Variants in CHST11 observed in about 807,000 individuals in gnomAD.
CHST11 encodes the protein carbohydrate sulfotransferase 11.
Under a neutral mutation model 30.4 loss-of-function variants are expected in CHST11, and 9 were observed. The observed-to-expected ratio is 0.30, with a 90% CI of 0.18 to 0.52. The LOEUF (loss-of-function observed/expected upper bound fraction) is 0.52, where lower values mean the gene tolerates loss of function less well. Ranked by LOEUF, CHST11 falls within the 20% of genes least tolerant of loss-of-function variation. CHST11 has a pLI of 0.97. For synonymous variants in CHST11, 152 were observed against 187.8 expected, an observed-to-expected ratio of 0.81 and a Z score of 1.56; for missense variants, 348 against 460.6, an observed-to-expected ratio of 0.76 and a Z score of 2.24.
Position 104,596,459 on chromosome 12 carries a change from A to AG in CHST11, c.119-5446dup, listed in dbSNP as rs562803420. ...TGCTTCATTTCGAAATGTTGAGGGA[A>AG]GTGACAGTCCAAAAATGGTAGGAGT... On this transcript the variant is annotated intron_variant, in intron 1 of 2. Transcript: ENST00000303694. 1.2e-4 allele frequency among the ~76,000 whole-genome samples: 18 copies of AG among 152,272 alleles called. 1 individual carries two copies. In the South Asian group the frequency reaches 3.5e-3, roughly 30 times the overall value.
chr12:104,675,420 C>T (rs2039732042), intron 2 of CHST11, among the ~76,000 whole-genome samples: 1 of 152,198 alleles, frequency 6.6e-6, no homozygotes. Context: ...GATACAGACT[C>T]ATAACTTTCC....
At chr12:104,590,825 G>T (rs113957756) in intron 1 of CHST11, among the ~76,000 whole-genome samples, 3,057 of 152,180 alleles carry the variant, frequency 0.02, 96 homozygotes, top group East Asian at 0.088. Flanking sequence ...GGGAGGCTGA[G>T]GCACAAGAAT....
At chr12:104,656,674 T>C (rs703660) in intron 2 of CHST11, among the ~76,000 whole-genome samples, 143,167 of 152,294 alleles carry the variant, frequency 0.94, 67,481 homozygotes, top group African/African-American at 0.99. Context: ...GCTTTGCTCA[T>C]GGGATGTTGG....
intron 2 of CHST11, among the ~76,000 whole-genome samples, chr12:104,653,003 A>G (rs2039508194): frequency 6.6e-6 from 1 of 152,180 alleles, no homozygotes; most frequent in Non-Finnish European, 1.5e-5. Flanking sequence ...TGTAAAAAAC[A>G]CATAACCTAA....
At chr12:104,716,955 T>C (rs1044585713) in intron 2 of CHST11, among the ~76,000 whole-genome samples, 7 of 152,212 alleles carry the variant, frequency 4.6e-5, no homozygotes, top group African/African-American at 7.2e-5. Flanking sequence ...CCACCTTCAT[T>C]CCTTGGCTCA....
intron 2 of CHST11, among the ~76,000 whole-genome samples, chr12:104,734,000 T>TCGG (rs1361715399): frequency 1.3e-5 from 2 of 152,178 alleles, no homozygotes; most frequent in Non-Finnish European, 2.9e-5. Context: ...GGCTTATGCC[T>TCGG]CCTCCCCGCC....
chr12:104,549,046 C>A (rs2038379561), intron 1 of CHST11, among the ~76,000 whole-genome samples: 2 of 152,238 alleles, frequency 1.3e-5, no homozygotes, highest in African/African-American at 4.8e-5. Flanking sequence ...CAGATCCCAA[C>A]CACGGTGATA....
chr12:104,714,493 T>C (rs536492912), intron 2 of CHST11, among the ~76,000 whole-genome samples: 1 of 152,324 alleles, frequency 6.6e-6, no homozygotes, highest in East Asian at 1.9e-4. Context: ...GGAAAGGGCT[T>C]TAAAATATAA....
intron 1 of CHST11, among the ~76,000 whole-genome samples, chr12:104,601,227 A>T (rs1592787762): frequency 1.3e-5 from 2 of 152,322 alleles, no homozygotes; most frequent in East Asian, 3.9e-4. Context: ...AAAAAGAAAG[A>T]ATTCATTGCC....
At position 104,623,559 on chromosome 12, in the gene CHST11, A is replaced by C. The variant is rs371135410; in HGVS notation, c.204+21568A>C. 6.6e-5 allele frequency among the ~76,000 whole-genome samples: 10 copies of C among 152,150 alleles called. No homozygotes were observed. The East Asian group carries it at 9.7e-4, about 15-fold the overall frequency. On this transcript the variant is annotated intron_variant, in intron 2 of 2. Coordinates refer to ENST00000303694, the MANE Select transcript of CHST11 (RefSeq NM_018413.6). ...AACCCCGTCTCTACTAAAAATACAA[A>C]ATTAGCCAGGCATGGTGGCACATGC...
intron 1 of CHST11, among the ~76,000 whole-genome samples, chr12:104,549,133 G>A (rs1436040435): frequency 1.3e-5 from 2 of 152,196 alleles, no homozygotes; most frequent in African/African-American, 4.8e-5. Context: ...GTGAAAACTG[G>A]AGCCTCCTGT....
Position 104,600,151 on chromosome 12 carries a change from C to T in CHST11, c.119-1755C>T, listed in dbSNP as rs115036209. ...CTTGTTTCTGGGCATTGATGATTGA[C>T]TTTCAGAGTTTCCACGTGGCTCAAA... On this transcript the variant is annotated intron_variant, in intron 1 of 2. Transcript: ENST00000303694. This position sits in a 1 kb window ranked among gnomAD's most constrained non-coding sequence, Gnocchi z 4.1. Among the ~76,000 whole-genome samples, 578 of 152,350 alleles carry T rather than the reference C, an allele frequency of 3.8e-3. 1 individual carries two copies. Among genetic ancestry groups the T allele is most frequent in the African/African-American group, 0.013 (554 of 41,580 alleles).
rs1384874974 is a variant in CHST11, at chr12:104,458,321, C to A, written c.118+792C>A. The stretch of plus-strand genomic sequence containing the variant: ...AACTTTGGCCAGGTCCTGGGCTGAC[C>A]GTCCGTTTGCATCCCCCACTTCTGG... On this transcript the variant is annotated intron_variant, in intron 1 of 2. Transcript: ENST00000303694. This position sits in a 1 kb window ranked among gnomAD's most constrained non-coding sequence, Gnocchi z 5.7. 2.0e-5 allele frequency among the ~76,000 whole-genome samples: 3 copies of A among 152,208 alleles called. No individual in the cohort carries two copies. Among genetic ancestry groups the A allele is most frequent in the Non-Finnish European group, 4.4e-5 (3 of 68,036 alleles).
At chr12:104,746,662 C>T (rs2040390979) in intron 2 of CHST11, among the ~76,000 whole-genome samples, 1 of 152,198 alleles carries the variant, frequency 6.6e-6, no homozygotes, top group African/African-American at 2.4e-5. Context: ...ACAGGTGCTT[C>T]CCTAGTGACA....
intron 2 of CHST11, among the ~76,000 whole-genome samples, chr12:104,730,749 G>A (rs2040250683): frequency 6.6e-6 from 1 of 152,204 alleles, no homozygotes; most frequent in African/African-American, 2.4e-5. Context: ...GAAGAAATGG[G>A]GAGAGGAGTG....
chr12:104,686,227 C>A (rs2039844636), intron 2 of CHST11, among the ~76,000 whole-genome samples: 2 of 30,878 alleles, frequency 6.5e-5, no homozygotes, highest in Admixed American at 3.4e-4. Context: ...GGAGAACTCA[C>A]CTCTTAAAAA....
intron 2 of CHST11, among the ~76,000 whole-genome samples, chr12:104,697,700 A>G (rs995147838): frequency 6.6e-6 from 1 of 152,202 alleles, no homozygotes; most frequent in Non-Finnish European, 1.5e-5. Flanking sequence ...CATTGAAAAA[A>G]ATAAGAAAAT....
intron 1 of CHST11, among the ~76,000 whole-genome samples, chr12:104,584,323 C>T (rs1026483122): frequency 3.5e-5 from 5 of 142,832 alleles, no homozygotes; most frequent in South Asian, 2.3e-4. Context: ...GTGGTAGAAT[C>T]TACGCTCACT....
chr12:104,460,427 G>A (rs944712714), intron 1 of CHST11, among the ~76,000 whole-genome samples: 1 of 152,188 alleles, frequency 6.6e-6, no homozygotes, highest in African/African-American at 2.4e-5. Flanking sequence ...ACCTTGGGAG[G>A]CTGAGGCGGG....
Sources: allele counts gnomAD v4.1 joint callset (sites outside exome capture counted in the v4.1 genomes callset), GRCh38; gene constraint gnomAD v4.1.1; non-coding constraint Gnocchi (gnomAD v3.1); transcripts MANE v1.5; gene names NCBI Gene and HGNC (gene_info 2026-07-23, HGNC 2026-07-21).